Variants in IGF2R observed in about 807,000 individuals in gnomAD.
The protein encoded by IGF2R is cation-independent mannose-6-phosphate receptor.
A neutral mutation model predicts 270.6 loss-of-function variants in IGF2R; 91 were observed. That is an observed-to-expected ratio of 0.34 (90% CI 0.28 to 0.40). The LOEUF is 0.40. IGF2R is among the 10% of genes least tolerant of loss of function. IGF2R has a pLI of 1.00. For synonymous variants in IGF2R, 1,316 were observed against 1,258.9 expected, an observed-to-expected ratio of 1.05 and a Z score of -0.96; for missense variants, 2,805 against 3,188.3, an observed-to-expected ratio of 0.88 and a Z score of 2.90.
chr6:160,053,330 G>T (rs1778240215), intron 19 of IGF2R, among the ~76,000 whole-genome samples: 1 of 152,026 alleles, frequency 6.6e-6, no homozygotes, highest in African/African-American at 2.4e-5. Context: ...GAGTTGATGG[G>T]TGCAGCAAAC....
rs1462329133 is a variant in IGF2R, at chr6:160,051,299, G to A, written c.2694+647G>A. ...ATGATTCTCTTTGGAGCCTGAATGA[G>A]GAAGGCATTATCTTGTGCACAAGTC... On this transcript the variant is annotated intron_variant, in intron 19 of 47. Coordinates refer to ENST00000356956, the MANE Select transcript of IGF2R (RefSeq NM_000876.4). Among the ~76,000 whole-genome samples, 10 of 152,308 alleles carry A rather than the reference G, an allele frequency of 6.6e-5. No individual in the cohort carries two copies. In the East Asian group the frequency reaches 1.9e-3, roughly 29 times the overall value.
At chr6:160,064,334 T>A (rs1219161284) in intron 27 of IGF2R, 67 bp from the exon 28 acceptor site, 1 of 1,586,474 alleles carries the variant, frequency 6.3e-7, no homozygotes, top group Non-Finnish European at 8.7e-7. Context: ...GTGTCACATG[T>A]CTTAGGCTAA....
intron 45 of IGF2R, 28 bp downstream of exon 45, chr6:160,096,653 C>G: frequency 1.9e-6 from 3 of 1,551,618 alleles, no homozygotes; most frequent in Non-Finnish European, 2.6e-6. Flanking sequence ...AAGCTTAGCA[C>G]TTGTACCCCA....
At chr6:160,082,680 G>T (rs1779011633) in intron 39 of IGF2R, among the ~76,000 whole-genome samples, 1 of 152,226 alleles carries the variant, frequency 6.6e-6, no homozygotes, top group Non-Finnish European at 1.5e-5. Flanking sequence ...ATCACCTAGG[G>T]CTGTGGGGTT....
At chr6:159,996,359 T>C (rs1784053624) in intron 2 of IGF2R, among the ~76,000 whole-genome samples, 1 of 152,180 alleles carries the variant, frequency 6.6e-6, no homozygotes, top group South Asian at 2.1e-4. Context: ...TGCTTGACCT[T>C]TGTTTAATGG....
At chr6:160,081,444 GAAGGTCAGGGCAGGATCAC>G (rs1432800335) in intron 39 of IGF2R, among the ~76,000 whole-genome samples, 1 of 152,206 alleles carries the variant, frequency 6.6e-6, no homozygotes, top group East Asian at 1.9e-4. Flanking sequence ...TCACAAGGCA[GAAGGTCAGGGCAGGATCAC>G]AAGGTCAGCG....
At position 159,971,668 on chromosome 6, in the gene IGF2R, G is replaced by C. The variant is rs138949563; in HGVS notation, c.149+2273G>C. Reference sequence around the variant, plus strand: ...CTGTTCCTGTTTTATAATTTTTTGAGGCAGGGTCTCACCGCGTTGCCCAGG... The same window carrying C: ...CTGTTCCTGTTTTATAATTTTTTGACGCAGGGTCTCACCGCGTTGCCCAGG... On this transcript the variant is annotated intron_variant, in intron 1 of 47. Transcript: ENST00000356956. Among the ~76,000 whole-genome samples, 27 of 152,256 alleles carry C rather than the reference G, an allele frequency of 1.8e-4. No homozygotes were observed. In the East Asian group the frequency reaches 4.6e-3, roughly 26 times the overall value.
chr6:160,085,153 C>G (rs1339317182), intron 41 of IGF2R, 22 bp downstream of exon 41: 1 of 1,610,302 alleles, frequency 6.2e-7, no homozygotes, highest in Non-Finnish European at 8.5e-7. Context: ...GGGTCCTGGT[C>G]CTTGGTTCAA....
intron 10 of IGF2R, among the ~76,000 whole-genome samples, chr6:160,035,065 C>T (rs1460962021): frequency 6.6e-6 from 1 of 152,124 alleles, no homozygotes; most frequent in African/African-American, 2.4e-5. Flanking sequence ...TATCAAAAAG[C>T]GGTGCCGCTG....
intron 14 of IGF2R, among the ~76,000 whole-genome samples, 200 bp downstream of exon 14, chr6:160,046,082 T>C: frequency 6.6e-6 from 1 of 152,314 alleles, no homozygotes; most frequent in East Asian, 1.9e-4. Context: ...TTGAGGTGGT[T>C]TTGCTGAATG....
At chr6:160,069,825 G>T in intron 30 of IGF2R, 43 bp from the exon 31 acceptor site, 2 of 1,583,902 alleles carry the variant, frequency 1.3e-6, no homozygotes, top group East Asian at 2.2e-5. Flanking sequence ...TTCTAGCCTG[G>T]GGAGTCACTA....
intron 2 of IGF2R, among the ~76,000 whole-genome samples, chr6:159,997,407 T>G (rs1450921439): frequency 6.6e-6 from 1 of 152,122 alleles, no homozygotes; most frequent in Non-Finnish European, 1.5e-5. Flanking sequence ...CTGCCGCCAC[T>G]GCCACCCAGG....
At chr6:160,091,474 C>G (rs1779225129) in intron 44 of IGF2R, among the ~76,000 whole-genome samples, 1 of 152,234 alleles carries the variant, frequency 6.6e-6, no homozygotes, top group Non-Finnish European at 1.5e-5. Context: ...CATCGCTGCT[C>G]CTGGTCACAG....
At position 159,998,826 on chromosome 6, in the gene IGF2R, A is replaced by G. The variant is rs1215295467; in HGVS notation, c.289+7503A>G. ...TAATCCCGAATCAAATCTAATTTGC[A>G]TATACAATAAAAATACCTAAATTTT... On this transcript the variant is annotated intron_variant, in intron 2 of 47. Transcript: ENST00000356956. This position sits in a 1 kb window ranked among gnomAD's most constrained non-coding sequence, Gnocchi z 4.1. Among the ~76,000 whole-genome samples the G allele has an allele frequency of 6.6e-6, 1 of 152,242 alleles. No homozygotes were observed. The highest frequency in any genetic ancestry group is 2.4e-5 in the African/African-American group (1 of 41,458).
chr6:159,973,062 T>G (rs1036715257), intron 1 of IGF2R, among the ~76,000 whole-genome samples: 10 of 152,108 alleles, frequency 6.6e-5, no homozygotes, highest in Non-Finnish European at 1.3e-4. Flanking sequence ...TGTGATAGGC[T>G]GTGGGACTGG....
At chr6:160,022,770 CAGAG>C (rs1027612484) in intron 4 of IGF2R, among the ~76,000 whole-genome samples, 1 of 152,062 alleles carries the variant, frequency 6.6e-6, no homozygotes, top group East Asian at 1.9e-4. Context: ...GTATGGGAGA[CAGAG>C]AGAGGTAGAG....
intron 10 of IGF2R, among the ~76,000 whole-genome samples, chr6:160,037,898 T>A (rs1400911112): frequency 6.6e-6 from 1 of 152,192 alleles, no homozygotes; most frequent in Non-Finnish European, 1.5e-5. Context: ...CTCTGCAGGA[T>A]GGGAACATCA....
At chr6:160,063,254 G>T (rs952765635) in intron 26 of IGF2R, among the ~76,000 whole-genome samples, 161 bp from the exon 27 acceptor site, 1 of 151,972 alleles carries the variant, frequency 6.6e-6, no homozygotes, top group Admixed American at 6.6e-5. Context: ...GGCCAGGATG[G>T]TCTAGATCTC....
At chr6:160,056,874 AC>A (rs1778328238) in intron 20 of IGF2R, among the ~76,000 whole-genome samples, 2 of 151,884 alleles carry the variant, frequency 1.3e-5, no homozygotes, top group Non-Finnish European at 2.9e-5. Context: ...CCACACCTAA[AC>A]CATCTCAGTG....
Sources: allele counts gnomAD v4.1 joint callset (sites outside exome capture counted in the v4.1 genomes callset), GRCh38; gene constraint gnomAD v4.1.1; non-coding constraint Gnocchi (gnomAD v3.1); transcripts MANE v1.5; gene names NCBI Gene and HGNC (gene_info 2026-07-23, HGNC 2026-07-21).